The following DNAJC13 variants were observed in gnomAD, a reference collection of about 807,000 sequenced individuals.
The protein encoded by DNAJC13 is dnaJ homolog subfamily C member 13.
Under a neutral mutation model 290.5 loss-of-function variants are expected in DNAJC13, and 75 were observed. The observed-to-expected ratio is 0.26, with a 90% confidence interval of 0.21 to 0.31. DNAJC13 has a LOEUF of 0.31. DNAJC13 is among the 10% of genes least tolerant of loss of function. The probability of loss-of-function intolerance (pLI) is 1.00; values close to 1 mark genes in which losing one functional copy is unlikely to be tolerated. For synonymous variants in DNAJC13, 862 were observed against 892.0 expected (o/e 0.97, Z 0.60); for missense variants, 2,260 against 2,674.5 (o/e 0.85, Z 3.42).
At chr3:132,420,585 C>T (rs1938926581) in intron 1 of DNAJC13, among the ~76,000 whole-genome samples, 1 of 151,714 alleles carries the variant, frequency 6.6e-6, no homozygotes, top group South Asian at 2.1e-4. Flanking sequence ...AAGAAGCTTT[C>T]AGTAACAAGT....
Position 132,462,481 on chromosome 3 carries a change from A to G in DNAJC13, c.1728A>G (p.Ala576=). The change falls in exon 16 of 56, where the codon GCA becomes GCG. Residue 576 remains alanine (A), a synonymous_variant. Coordinates refer to ENST00000260818, the MANE Select transcript of DNAJC13 (RefSeq NM_015268.4). ...LFKLFQHPSM[A]IIKGAGLVMK... ...TCACTTTAAAGCATCCTTCCATGGC[A>G]ATAATAAAAGGAGCTGGGTTGGTTA... 2 of 1,609,362 alleles carry G rather than the reference A, an allele frequency of 1.2e-6. No homozygotes were observed. Among genetic ancestry groups the G allele is most frequent in the South Asian group, 2.2e-5 (2 of 89,856 alleles).
At chr3:132,469,310 G>T (rs1465340976) in intron 20 of DNAJC13, among the ~76,000 whole-genome samples, 1 of 152,164 alleles carries the variant, frequency 6.6e-6, no homozygotes. Context: ...ATTAACTGGC[G>T]ATTCTTGAAA....
intron 9 of DNAJC13, among the ~76,000 whole-genome samples, chr3:132,455,376 A>G (rs1576469631): frequency 6.6e-6 from 1 of 152,254 alleles, no homozygotes; most frequent in East Asian, 1.9e-4. Context: ...AAGAACTCTC[A>G]TACATTGCTG....
Position 132,526,241 on chromosome 3 carries a change from A to G in DNAJC13, c.6341A>G (p.Asn2114Ser), listed in dbSNP as rs1936253331. 6.2e-7 allele frequency: 1 copy of G among 1,614,064 alleles called. No individual in the cohort carries two copies. The highest frequency in any genetic ancestry group is 8.5e-7 in the Non-Finnish European group (1 of 1,179,966). ...GTTGGTCTAGCCTGTGAAGCAATTAATCGAATGTTTCAGAAGGAGCAGAGT... is the reference window on the plus strand; with the variant it reads ...GTTGGTCTAGCCTGTGAAGCAATTAGTCGAATGTTTCAGAAGGAGCAGAGT... ...DTVGLACEAINRMFQKEQSEL... is the reference protein window; with the variant it reads ...DTVGLACEAISRMFQKEQSEL... Residue 2114 changes from asparagine to serine, a missense_variant, in exon 53 of 56, where the codon AAT (asparagine) becomes AGT (serine). By Grantham distance (46) the Asn-to-Ser change is conservative. This residue lies in a region of DNAJC13 where 1,494 missense variants were observed against 1,693.7 expected (regional missense o/e 0.88). Coordinates refer to ENST00000260818, the MANE Select transcript of DNAJC13 (RefSeq NM_015268.4).
intron 22 of DNAJC13, 30 bp downstream of exon 22, chr3:132,475,115 C>A: frequency 2.0e-6 from 3 of 1,514,562 alleles, no homozygotes; most frequent in Non-Finnish European, 2.7e-6. Context: ...GTATATTAAT[C>A]TTAAAAAATA....
rs1438645141 is a variant in DNAJC13, at chr3:132,514,601, T to A, written c.5416T>A (p.Cys1806Ser). ...GAATATAGTGACATCTAACCAAGAC[T>A]GTGTCAACAATATTGCTGAATCAAT... Reference protein sequence around the residue: ...VVNIVTSNQDCVNNIAESMVL... With the variant: ...VVNIVTSNQDSVNNIAESMVL... The change falls in exon 46 of 56, where the codon TGT becomes AGT. Residue 1806 changes from cysteine (C) to serine (S), a missense_variant. Cys to Ser is a moderately radical substitution (Grantham distance 112). This residue lies in a region of DNAJC13 where 1,494 missense variants were observed against 1,693.7 expected (regional missense o/e 0.88). Transcript: ENST00000260818. 4.3e-6 allele frequency: 7 copies of A among 1,611,240 alleles called. No homozygotes were observed. Among genetic ancestry groups the A allele is most frequent in the Non-Finnish European group, 5.9e-6 (7 of 1,178,814 alleles).
At chr3:132,427,561 TA>T (rs1279490987) in intron 1 of DNAJC13, among the ~76,000 whole-genome samples, 1 of 152,242 alleles carries the variant, frequency 6.6e-6, no homozygotes, top group African/African-American at 2.4e-5. Context: ...TATATATTGT[TA>T]TAGTTATTTT....
intron 41 of DNAJC13, among the ~76,000 whole-genome samples, chr3:132,503,794 T>C (rs938672460): frequency 1.3e-5 from 2 of 152,176 alleles, no homozygotes; most frequent in African/African-American, 4.8e-5. Flanking sequence ...TACATGCACA[T>C]ATACATGTAT....
intron 42 of DNAJC13, among the ~76,000 whole-genome samples, chr3:132,506,383 T>C (rs886915192): frequency 1.3e-5 from 2 of 151,522 alleles, no homozygotes; most frequent in African/African-American, 4.8e-5. Flanking sequence ...AGAATAGACA[T>C]AATAACATCT....
In DNAJC13 at chr3:132,481,475, A is replaced by T. The variant is rs142100739; in HGVS notation, c.2875-751A>T. On this transcript the variant is annotated intron_variant, in intron 26 of 55. Transcript: ENST00000260818. ...ACACACCTGTAGTCCCAGCTACTTGAGGGGCTAAGGCAGGAGGATTGCATG... is the reference window on the plus strand; with the variant it reads ...ACACACCTGTAGTCCCAGCTACTTGTGGGGCTAAGGCAGGAGGATTGCATG... Among the ~76,000 whole-genome samples, 58 of 152,206 alleles carry T rather than the reference A, an allele frequency of 3.8e-4. No homozygotes were observed. The East Asian group carries it at 8.1e-3, about 21-fold the overall frequency.
chr3:132,492,677 G>A, intron 33 of DNAJC13, 62 bp downstream of exon 33: 1 of 1,460,072 alleles, frequency 6.8e-7, no homozygotes, highest in Non-Finnish European at 9.5e-7. Context: ...AACACTTCTG[G>A]GTATTTTGTC....
At chr3:132,463,570 C>T in intron 16 of DNAJC13, 126 bp from the exon 17 acceptor site, 2 of 1,046,040 alleles carry the variant, frequency 1.9e-6, no homozygotes, top group Non-Finnish European at 1.3e-6. Flanking sequence ...TTAGAAGATG[C>T]ATTTTAAAAA....
At position 132,477,998 on chromosome 3, in the gene DNAJC13, A is replaced by G; in HGVS notation, c.2567A>G (p.Glu856Gly). The change falls in exon 24 of 56, where the codon GAG (glutamate) becomes GGG (glycine). Residue 856 changes from glutamate (E) to glycine (G), a missense_variant. Coordinates refer to ENST00000260818, the MANE Select transcript of DNAJC13 (RefSeq NM_015268.4). Reference protein sequence around the residue: ...SIKRSYEFFNELYHRFLLTPK... With the variant: ...SIKRSYEFFNGLYHRFLLTPK... Reference sequence around the variant, plus strand: ...AAATCTAGGTATGAATTTTTCAATGAGCTTTATCATCGCTTCTTGCTCACC... The same window carrying G: ...AAATCTAGGTATGAATTTTTCAATGGGCTTTATCATCGCTTCTTGCTCACC... The G allele has an allele frequency of 6.2e-7, 1 of 1,602,528 alleles. No homozygotes were observed. The highest frequency in any genetic ancestry group is 8.5e-7 in the Non-Finnish European group (1 of 1,177,212).
intron 13 of DNAJC13, 67 bp from the exon 14 acceptor site, chr3:132,460,183 C>T (rs748287756): frequency 2.5e-5 from 26 of 1,057,654 alleles, no homozygotes; most frequent in Non-Finnish European, 3.6e-5. Context: ...TTATAAATGA[C>T]TTTTGCGTGA....
intron 6 of DNAJC13, among the ~76,000 whole-genome samples, chr3:132,453,049 G>A (rs561798112): frequency 3.4e-4 from 52 of 152,350 alleles, no homozygotes; most frequent in African/African-American, 9.1e-4. Flanking sequence ...ACAAGGTGAT[G>A]AGAACCAGAA....
intron 21 of DNAJC13, among the ~76,000 whole-genome samples, 189 bp downstream of exon 21, chr3:132,473,416 G>A (rs886636250): frequency 6.6e-6 from 1 of 152,166 alleles, no homozygotes; most frequent in African/African-American, 2.4e-5. Context: ...TTTTCATAGA[G>A]TGATAGTCTG....
intron 2 of DNAJC13, among the ~76,000 whole-genome samples, chr3:132,436,338 A>G (rs959285811): frequency 6.6e-6 from 1 of 152,198 alleles, no homozygotes; most frequent in African/African-American, 2.4e-5. Context: ...GACTTCTTCC[A>G]TTAAGCATAA....
intron 52 of DNAJC13, 39 bp downstream of exon 52, chr3:132,525,828 AT>A: frequency 6.3e-7 from 1 of 1,589,888 alleles, no homozygotes; most frequent in Non-Finnish European, 8.6e-7. Flanking sequence ...AAGCTCCAGA[AT>A]TTATCTATGC....
At chr3:132,464,632 A>G (rs182564954) in intron 17 of DNAJC13, among the ~76,000 whole-genome samples, 12 of 152,182 alleles carry the variant, frequency 7.9e-5, no homozygotes, top group Admixed American at 4.6e-4. Context: ...TGTTTATACT[A>G]TTAGAAGAAA....
Sources: allele counts gnomAD v4.1 joint callset (sites outside exome capture counted in the v4.1 genomes callset), GRCh38; gene constraint gnomAD v4.1.1; regional missense constraint gnomAD v4.1.1; transcripts MANE v1.5; gene names NCBI Gene and HGNC (gene_info 2026-07-23, HGNC 2026-07-21).